SPOCK3: variants seen among roughly 807,000 people sequenced by gnomAD.
SPOCK3 encodes testican-3.
SPOCK3 carries 30 observed loss-of-function variants against 56.6 expected under a neutral mutation model. That is an observed-to-expected ratio of 0.53 (90% CI 0.40 to 0.72). The LOEUF (loss-of-function observed/expected upper bound fraction) is 0.72. Among genes scored for constraint, SPOCK3 ranks in the 30% least tolerant of loss-of-function variants. The pLI, the probability that SPOCK3 is intolerant of heterozygous loss-of-function variation, is 0.00. For missense variants in SPOCK3, 527 were observed against 530.0 expected, an observed-to-expected ratio of 0.99 and a Z score of 0.06; for synonymous variants, 196 against 183.3, an observed-to-expected ratio of 1.07 and a Z score of -0.56.
intron 3 of SPOCK3, among the ~76,000 whole-genome samples, chr4:167,008,596 T>A (rs190597791): frequency 6.6e-6 from 1 of 152,258 alleles, no homozygotes; most frequent in East Asian, 1.9e-4. Flanking sequence ...ATATGCTGAC[T>A]ACTGTTTTCA....
At chr4:167,231,152 AC>A (rs1277874408) in intron 2 of SPOCK3, among the ~76,000 whole-genome samples, 54 of 152,076 alleles carry the variant, frequency 3.6e-4, no homozygotes, top group African/African-American at 1.3e-3. Flanking sequence ...ATAAAGAGTA[AC>A]ATTTATTTTT....
rs142799112 is a variant in SPOCK3, at chr4:166,820,807, G to A, written c.590-28518C>T. Among the ~76,000 whole-genome samples the A allele has an allele frequency of 2.6e-4, 40 of 152,048 alleles. No homozygotes were observed. In the East Asian group the frequency reaches 6.0e-3, roughly 23 times the overall value. ...CCACTCTGTCTGAGTGACAGAGTAA[G>A]ACCCGTCTCAAAATTTTTAAAAAAA... On this transcript the variant is annotated intron_variant, in intron 6 of 10. Transcript: ENST00000357545.
At chr4:167,207,592 T>A (rs894237496) in intron 2 of SPOCK3, among the ~76,000 whole-genome samples, 1 of 152,170 alleles carries the variant, frequency 6.6e-6, no homozygotes, top group Non-Finnish European at 1.5e-5. Context: ...AAACCCACCA[T>A]CTGTAGCCCT....
At chr4:167,062,723 AT>A (rs1755734793) in intron 2 of SPOCK3, 186 bp from the exon 3 acceptor site, 1 of 551,538 alleles carries the variant, frequency 1.8e-6, no homozygotes, top group African/African-American at 1.9e-5. Context: ...AAGAATAGTT[AT>A]CAAAAAGGAA....
intron 2 of SPOCK3, among the ~76,000 whole-genome samples, chr4:167,082,764 G>A (rs527592281): frequency 1.4e-5 from 2 of 144,722 alleles, no homozygotes; most frequent in East Asian, 4.3e-4. Context: ...GGAAGGGAGG[G>A]AGGGAGGGAG....
intron 2 of SPOCK3, among the ~76,000 whole-genome samples, chr4:167,115,572 C>T (rs1761261943): frequency 1.3e-5 from 2 of 151,798 alleles, no homozygotes; most frequent in Non-Finnish European, 2.9e-5. Flanking sequence ...GCTATAGATT[C>T]AAGAAATATG....
At chr4:167,034,550 A>G (rs946488672) in intron 3 of SPOCK3, among the ~76,000 whole-genome samples, 4 of 152,106 alleles carry the variant, frequency 2.6e-5, no homozygotes, top group Non-Finnish European at 4.4e-5. Context: ...CATGGGAATG[A>G]TTTCATTTTT....
intron 2 of SPOCK3, among the ~76,000 whole-genome samples, chr4:167,086,292 C>T (rs1429794280): frequency 6.6e-6 from 1 of 152,070 alleles, no homozygotes; most frequent in African/African-American, 2.4e-5. Context: ...ATTTTAATTA[C>T]ATCATAGCTT....
At chr4:166,995,282 C>A (rs1269303810) in intron 4 of SPOCK3, among the ~76,000 whole-genome samples, 1 of 151,518 alleles carries the variant, frequency 6.6e-6, no homozygotes, top group East Asian at 1.9e-4. Context: ...TATCAAATTC[C>A]AGACATAAAG....
intron 2 of SPOCK3, among the ~76,000 whole-genome samples, chr4:167,130,125 C>A (rs1439776819): frequency 1.3e-5 from 2 of 152,108 alleles, no homozygotes; most frequent in Admixed American, 6.6e-5. Flanking sequence ...AAGCCGTCTT[C>A]CCCGCTCAGC....
At chr4:166,981,098 G>T (rs1242263363) in intron 4 of SPOCK3, among the ~76,000 whole-genome samples, 5 of 152,216 alleles carry the variant, frequency 3.3e-5, no homozygotes, top group Non-Finnish European at 7.3e-5. Flanking sequence ...GAAATGGGTA[G>T]CTCCTTTCTG....
At chr4:166,887,844 G>A (rs1044354716) in intron 6 of SPOCK3, among the ~76,000 whole-genome samples, 2 of 133,206 alleles carry the variant, frequency 1.5e-5, no homozygotes, top group African/African-American at 2.9e-5. Flanking sequence ...TACCACCTGT[G>A]CCCCAATAAC....
At chr4:167,049,568 A>G (rs1054900918) in intron 3 of SPOCK3, among the ~76,000 whole-genome samples, 4 of 152,178 alleles carry the variant, frequency 2.6e-5, no homozygotes, top group African/African-American at 7.2e-5. Context: ...CTGAGAAAGG[A>G]CTTTTAAATA....
intron 6 of SPOCK3, among the ~76,000 whole-genome samples, chr4:166,848,541 G>A (rs1748338193): frequency 6.6e-6 from 1 of 152,228 alleles, no homozygotes; most frequent in Non-Finnish European, 1.5e-5. Flanking sequence ...TGAGCTGCCA[G>A]GTGCTTTGAG....
chr4:166,820,261 AT>A (rs1744786540), intron 6 of SPOCK3, among the ~76,000 whole-genome samples: 1 of 152,068 alleles, frequency 6.6e-6, no homozygotes, highest in Non-Finnish European at 1.5e-5. Context: ...AGTATGTTTG[AT>A]TTAGTCATTC....
At chr4:167,042,375 ATGTTATGTAAT>A (rs1435294902) in intron 3 of SPOCK3, among the ~76,000 whole-genome samples, 6 of 152,170 alleles carry the variant, frequency 3.9e-5, no homozygotes, top group East Asian at 3.9e-4. Flanking sequence ...CAAATAGGAT[ATGTTATGTAAT>A]TGTTATGTAA....
At chr4:167,169,883 A>G (rs1730345810) in intron 2 of SPOCK3, among the ~76,000 whole-genome samples, 1 of 152,114 alleles carries the variant, frequency 6.6e-6, no homozygotes, top group South Asian at 2.1e-4. Flanking sequence ...GAGTCTCACA[A>G]GATCTGATGG....
At chr4:167,039,211 TCTTTTCTC>T (rs1419727764) in intron 3 of SPOCK3, among the ~76,000 whole-genome samples, 1 of 152,212 alleles carries the variant, frequency 6.6e-6, no homozygotes, top group Admixed American at 6.5e-5. Context: ...TGTCTATCTG[TCTTTTCTC>T]CTTTTCTTAG....
intron 6 of SPOCK3, among the ~76,000 whole-genome samples, chr4:166,814,301 G>A (rs1191139820): frequency 6.6e-6 from 1 of 152,036 alleles, no homozygotes; most frequent in Non-Finnish European, 1.5e-5. Flanking sequence ...ATTAATGTTA[G>A]GTGTCAATTG....
Sources: allele counts gnomAD v4.1 joint callset (sites outside exome capture counted in the v4.1 genomes callset), GRCh38; gene constraint gnomAD v4.1.1; transcripts MANE v1.5; gene names NCBI Gene and HGNC (gene_info 2026-07-23, HGNC 2026-07-21).